LRRC4C: variants seen among roughly 807,000 people sequenced by gnomAD.
LRRC4C encodes the protein leucine rich repeat containing 4C, also known as leucine-rich repeat-containing protein 4C.
A neutral mutation model predicts 33.6 loss-of-function variants in LRRC4C; 5 were observed. That is an observed-to-expected ratio of 0.15 (90% CI 0.08 to 0.31). The LOEUF (loss-of-function observed/expected upper bound fraction) is 0.31. Ranked by LOEUF, LRRC4C falls within the 10% of genes least tolerant of loss-of-function variation. The probability of loss-of-function intolerance (pLI) is 1.00; values close to 1 mark genes in which losing one functional copy is unlikely to be tolerated. For synonymous variants in LRRC4C, 329 were observed against 302.0 expected (o/e 1.09, Z -0.93); for missense variants, 560 against 796.7 (o/e 0.70, Z 3.58).
intron 3 of LRRC4C, among the ~76,000 whole-genome samples, chr11:40,558,876 G>T (rs372303669): frequency 7.2e-5 from 11 of 152,048 alleles, no homozygotes; most frequent in African/African-American, 2.7e-4. Flanking sequence ...ACCTCAAGTA[G>T]ACCCCAGTGT....
At chr11:40,882,316 T>C (rs1409244047) in intron 2 of LRRC4C, among the ~76,000 whole-genome samples, 1 of 151,954 alleles carries the variant, frequency 6.6e-6, no homozygotes, top group Non-Finnish European at 1.5e-5. Flanking sequence ...ACTTCGACAC[T>C]CTTGAGAATA....
At position 40,134,793 on chromosome 11, in the gene LRRC4C, T is replaced by A. The variant is rs112532189; in HGVS notation, c.-43+6008A>T. On this transcript the variant is annotated intron_variant, in intron 6 of 6. Transcript: ENST00000528697. ...CTGACCTGTCATTGCTTCCTCTGAT[T>A]TCTGTATATTTTTTAGTCCCTACAA... 3.3e-3 allele frequency among the ~76,000 whole-genome samples: 496 copies of A among 152,322 alleles called. 6 individuals carry two copies. Among genetic ancestry groups the A allele is most frequent in the African/African-American group, 0.012 (479 of 41,574 alleles).
chr11:41,422,509 G>C (rs543638946), intron 1 of LRRC4C, among the ~76,000 whole-genome samples: 1 of 151,868 alleles, frequency 6.6e-6, no homozygotes, highest in Non-Finnish European at 1.5e-5. Context: ...AGCACCCACT[G>C]GATTAAAAGT....
chr11:41,070,571 TAAC>T (rs910542961), intron 1 of LRRC4C, among the ~76,000 whole-genome samples: 5 of 151,148 alleles, frequency 3.3e-5, no homozygotes, highest in African/African-American at 7.3e-5. Context: ...AAATGTACAA[TAAC>T]AACAACAACA....
At chr11:40,168,849 A>G (rs1859813227) in intron 5 of LRRC4C, among the ~76,000 whole-genome samples, 1 of 152,224 alleles carries the variant, frequency 6.6e-6, no homozygotes, top group South Asian at 2.1e-4. Context: ...ATTTCTGAGT[A>G]GGGCAGGTAG....
At chr11:40,137,108 C>T (rs1857031462) in intron 6 of LRRC4C, among the ~76,000 whole-genome samples, 1 of 152,026 alleles carries the variant, frequency 6.6e-6, no homozygotes, top group Non-Finnish European at 1.5e-5. Flanking sequence ...ACAAAATTAT[C>T]ACTTAAAGAA....
intron 3 of LRRC4C, among the ~76,000 whole-genome samples, chr11:40,498,162 T>C (rs1954567472): frequency 6.6e-6 from 1 of 152,194 alleles, no homozygotes; most frequent in African/African-American, 2.4e-5. Context: ...CTATTCCTTT[T>C]TGTATCATAA....
chr11:40,131,443 T>C (rs995534197), intron 6 of LRRC4C, among the ~76,000 whole-genome samples: 4 of 152,176 alleles, frequency 2.6e-5, no homozygotes, highest in African/African-American at 9.7e-5. Flanking sequence ...AGCAGTAACC[T>C]GTATCCTAAA....
chr11:40,695,788 A>G (rs1278561822), intron 2 of LRRC4C, among the ~76,000 whole-genome samples: 9 of 152,070 alleles, frequency 5.9e-5, no homozygotes, highest in Non-Finnish European at 1.2e-4. Context: ...CTCCTGCTTC[A>G]TTCTTTTACT....
chr11:40,812,072 T>A (rs989070565), intron 2 of LRRC4C, among the ~76,000 whole-genome samples: 3 of 152,234 alleles, frequency 2.0e-5, no homozygotes, highest in African/African-American at 7.2e-5. Context: ...GCATTGTAAG[T>A]ACTGCCCAGT....
intron 1 of LRRC4C, among the ~76,000 whole-genome samples, chr11:40,942,831 C>G (rs373764117): frequency 2.6e-5 from 4 of 152,152 alleles, no homozygotes; most frequent in South Asian, 4.1e-4. Flanking sequence ...CCAGACAGAC[C>G]AGAGTTCCAA....
At chr11:41,196,273 C>T (rs534360802) in intron 1 of LRRC4C, among the ~76,000 whole-genome samples, 7 of 152,072 alleles carry the variant, frequency 4.6e-5, no homozygotes, top group East Asian at 3.9e-4. Context: ...CACTTTTGAG[C>T]GTAGGAAAGA....
intron 4 of LRRC4C, among the ~76,000 whole-genome samples, chr11:40,305,631 T>C (rs1276665851): frequency 6.7e-6 from 1 of 149,480 alleles, no homozygotes; most frequent in African/African-American, 2.5e-5. Context: ...AAAGGAAGAA[T>C]GTATGTTCTT....
At chr11:40,895,094 T>A (rs1032567662) in intron 2 of LRRC4C, among the ~76,000 whole-genome samples, 3 of 152,090 alleles carry the variant, frequency 2.0e-5, no homozygotes, top group Non-Finnish European at 2.9e-5. Context: ...CTGAGGTGAA[T>A]TAGCAGAGTT....
chr11:40,891,996 G>A (rs1038911226), intron 2 of LRRC4C, among the ~76,000 whole-genome samples: 5 of 151,796 alleles, frequency 3.3e-5, no homozygotes, highest in South Asian at 2.1e-4. Flanking sequence ...TTAGCCGGGC[G>A]TGGTGGTGGG....
intron 3 of LRRC4C, among the ~76,000 whole-genome samples, chr11:40,402,387 T>C (rs1302132392): frequency 6.6e-6 from 1 of 152,118 alleles, no homozygotes; most frequent in African/African-American, 2.4e-5. Context: ...CCCTGTAAAG[T>C]TGGCTGGGCA....
chr11:40,192,525 G>A (rs763942511), intron 5 of LRRC4C, among the ~76,000 whole-genome samples: 1 of 152,144 alleles, frequency 6.6e-6, no homozygotes, highest in Non-Finnish European at 1.5e-5. Context: ...AAACTGGGTG[G>A]CCATTTGGGC....
chr11:41,272,965 C>T (rs1243976156), intron 1 of LRRC4C, among the ~76,000 whole-genome samples: 1 of 152,142 alleles, frequency 6.6e-6, no homozygotes, highest in Non-Finnish European at 1.5e-5. Context: ...TTCATGCATG[C>T]ATGCATAAAT....
chr11:40,496,002 G>A (rs1954434253), intron 3 of LRRC4C, among the ~76,000 whole-genome samples: 1 of 151,556 alleles, frequency 6.6e-6, no homozygotes, highest in Non-Finnish European at 1.5e-5. Context: ...GCTAATTTTT[G>A]TATTTTCAGT....
Sources: allele counts gnomAD v4.1 joint callset (sites outside exome capture counted in the v4.1 genomes callset), GRCh38; gene constraint gnomAD v4.1.1; transcripts MANE v1.5; gene names NCBI Gene and HGNC (gene_info 2026-07-23, HGNC 2026-07-21).